The following STARD9 variants were observed in gnomAD, a reference collection of about 807,000 sequenced individuals.
STARD9 encodes the protein stAR-related lipid transfer protein 9.
STARD9 carries 346 observed loss-of-function variants against 399.8 expected under a neutral mutation model. That is an observed-to-expected ratio of 0.87 (90% CI 0.79 to 0.95). The LOEUF is 0.95. Among genes scored for constraint, STARD9 ranks in the 40% least tolerant of loss-of-function variants. The pLI is 0.00. For missense variants in STARD9, 5,832 were observed against 5,667.5 expected, an observed-to-expected ratio of 1.03 and a Z score of -0.93; for synonymous variants, 2,203 against 2,143.5, an observed-to-expected ratio of 1.03 and a Z score of -0.77.
intron 3 of STARD9, among the ~76,000 whole-genome samples, chr15:42,627,075 G>A (rs937578742): frequency 7.2e-5 from 11 of 151,990 alleles, no homozygotes; most frequent in South Asian, 2.1e-4. Flanking sequence ...TGGGTGGATC[G>A]CTTTGAGTCC....
chr15:42,703,425 A>G (rs1462252263), intron 26 of STARD9, among the ~76,000 whole-genome samples: 4 of 149,262 alleles, frequency 2.7e-5, no homozygotes, highest in Non-Finnish European at 4.4e-5. Context: ...GTGCAGTGGC[A>G]CAATCCCTGC....
chr15:42,594,546 A>G (rs2058466604), intron 3 of STARD9, among the ~76,000 whole-genome samples: 1 of 152,244 alleles, frequency 6.6e-6, no homozygotes, highest in Non-Finnish European at 1.5e-5. Context: ...ATTCCAGAAT[A>G]TTAATACTGG....
intron 3 of STARD9, among the ~76,000 whole-genome samples, chr15:42,597,839 T>A (rs935386760): frequency 4.6e-5 from 7 of 150,936 alleles, no homozygotes; most frequent in African/African-American, 1.7e-4. Flanking sequence ...GCCCGGCCAA[T>A]TTTTGTATTT....
intron 15 of STARD9, among the ~76,000 whole-genome samples, chr15:42,668,130 G>A (rs1370951449): frequency 6.6e-6 from 1 of 152,150 alleles, no homozygotes; most frequent in African/African-American, 2.4e-5. Context: ...GGTGGTGAAA[G>A]CTGGCCAGAG....
intron 3 of STARD9, among the ~76,000 whole-genome samples, chr15:42,630,738 G>A (rs1342110625): frequency 2.0e-5 from 3 of 151,932 alleles, no homozygotes; most frequent in Admixed American, 2.0e-4. Flanking sequence ...GTCTCTAATG[G>A]GACTTTGGAT....
chr15:42,680,397 C>T (rs917558497), intron 20 of STARD9, among the ~76,000 whole-genome samples: 52 of 151,934 alleles, frequency 3.4e-4, no homozygotes, highest in African/African-American at 1.0e-3. Context: ...GTAAGGAGTT[C>T]GAGACCAGCC....
intron 8 of STARD9, 41 bp downstream of exon 8, chr15:42,651,126 A>G (rs1338950222): frequency 1.5e-6 from 2 of 1,371,940 alleles, no homozygotes; most frequent in South Asian, 1.3e-5. Context: ...TTATCCTCAC[A>G]CTCCTATCCT....
intron 9 of STARD9, among the ~76,000 whole-genome samples, chr15:42,658,148 T>A (rs1307214400): frequency 6.6e-6 from 1 of 152,088 alleles, no homozygotes; most frequent in Non-Finnish European, 1.5e-5. Flanking sequence ...TTTTGTACTT[T>A]TATAATTTTT....
chr15:42,699,595 A>T (rs544930217), intron 26 of STARD9, among the ~76,000 whole-genome samples: 29 of 151,646 alleles, frequency 1.9e-4, no homozygotes, highest in Non-Finnish European at 8.8e-5. Flanking sequence ...GGGTTTCACC[A>T]TGTTAGCCAG....
chr15:42,585,634 TGTG>T lies in STARD9; in HGVS notation c.234_234+2del. ...AGGATCCCCAGTATGCATCTCAAGA[TGTG>T]GTAATATCATTTATCATTTTTCTTT... On this transcript the variant is annotated inframe_deletion and splice_region_variant, in exon 3 of 33. Transcript: ENST00000290607. The T allele has an allele frequency of 6.6e-7, 1 of 1,510,444 alleles. No homozygotes were observed. The highest frequency in any genetic ancestry group is 8.9e-7 in the Non-Finnish European group (1 of 1,122,784). 93.6% of individuals were successfully genotyped at this position (1,510,444 alleles called of 1,614,324 possible).
intron 26 of STARD9, among the ~76,000 whole-genome samples, chr15:42,716,121 G>C (rs2061344949): frequency 1.3e-5 from 2 of 152,166 alleles, no homozygotes; most frequent in Admixed American, 1.3e-4. Flanking sequence ...TCCTATTGTT[G>C]AGGAGCTTGC....
intron 20 of STARD9, among the ~76,000 whole-genome samples, chr15:42,678,801 T>C (rs917227130): frequency 6.6e-6 from 1 of 152,228 alleles, no homozygotes; most frequent in Non-Finnish European, 1.5e-5. Flanking sequence ...AAATGAAGAC[T>C]TGCCCTTTGT....
At position 42,691,737 on chromosome 15, in the gene STARD9, T is replaced by A. The variant is rs1468947506; in HGVS notation, c.10159T>A (p.Ser3387Thr). ...LQAEDSNQKA[S>T]SRLDDGTTDH... The stretch of plus-strand genomic sequence containing the variant: ...GGCTGAGGACAGCAATCAGAAAGCC[T>A]CATCTCGCTTGGATGATGGGACTAC... The change falls in exon 23 of 33, where the codon TCA (serine) becomes ACA (threonine). Residue 3387 changes from serine to threonine, a missense_variant. Transcript: ENST00000290607. 6.5e-7 allele frequency: 1 copy of A among 1,537,044 alleles called. No homozygotes were observed. The highest frequency in any genetic ancestry group is 8.7e-7 in the Non-Finnish European group (1 of 1,146,906).
At chr15:42,609,400 C>G (rs2058803854) in intron 3 of STARD9, among the ~76,000 whole-genome samples, 1 of 151,650 alleles carries the variant, frequency 6.6e-6, no homozygotes, top group Non-Finnish European at 1.5e-5. Context: ...TTTAGTAGAT[C>G]TGTGTCATTT....
chr15:42,596,846 T>C (rs2058515560), intron 3 of STARD9, among the ~76,000 whole-genome samples: 1 of 152,202 alleles, frequency 6.6e-6, no homozygotes, highest in South Asian at 2.1e-4. Context: ...TTGCAAAATA[T>C]TCGAACAGTA....
intron 3 of STARD9, among the ~76,000 whole-genome samples, chr15:42,625,362 A>G (rs1476427763): frequency 6.8e-6 from 1 of 147,498 alleles, no homozygotes; most frequent in African/African-American, 2.5e-5. Flanking sequence ...ACAGAGTCTG[A>G]CTCTGTCGCC....
At chr15:42,644,776 G>A (rs2059614788) in intron 7 of STARD9, among the ~76,000 whole-genome samples, 2 of 152,140 alleles carry the variant, frequency 1.3e-5, no homozygotes, top group South Asian at 4.1e-4. Flanking sequence ...ACTCACAATA[G>A]AACTTATTTC....
chr15:42,645,567 T>C (rs1045806796), intron 7 of STARD9, among the ~76,000 whole-genome samples: 3 of 151,826 alleles, frequency 2.0e-5, no homozygotes, highest in Non-Finnish European at 4.4e-5. Context: ...CCTAGGATTT[T>C]TTTTTTTTTT....
chr15:42,639,263 G>A (rs960997771), intron 7 of STARD9, among the ~76,000 whole-genome samples: 2 of 152,216 alleles, frequency 1.3e-5, no homozygotes, highest in African/African-American at 4.8e-5. Flanking sequence ...TGTTTTCAAG[G>A]GGCCAGTGTG....
Sources: allele counts gnomAD v4.1 joint callset (sites outside exome capture counted in the v4.1 genomes callset), GRCh38; gene constraint gnomAD v4.1.1; transcripts MANE v1.5; gene names NCBI Gene and HGNC (gene_info 2026-07-23, HGNC 2026-07-21).